Variants in ZNF81 observed in about 807,000 individuals in gnomAD.
The protein encoded by ZNF81 is zinc finger protein 81.
A neutral mutation model predicts 32.3 loss-of-function variants in ZNF81; 5 were observed. The observed-to-expected ratio is 0.15, with a 90% confidence interval of 0.08 to 0.33. The LOEUF is 0.33. Among genes scored for constraint, ZNF81 ranks in the 10% least tolerant of loss-of-function variants. The pLI is 1.00. For synonymous variants in ZNF81, 163 were observed against 166.8 expected (o/e 0.98, Z 0.17); for missense variants, 379 against 479.8 (o/e 0.79, Z 1.96).
intron 1 of ZNF81, among the ~76,000 whole-genome samples, chrX:47,844,685 C>G (rs1331328343): frequency 8.9e-6 from 1 of 111,988 alleles, no homozygotes; most frequent in African/African-American, 3.2e-5. Flanking sequence ...ATTTCTCTTG[C>G]ATAGATATCT....
Position 47,924,401 on chromosome X carries a change from T to G in ZNF81, c.*7769T>G, listed in dbSNP as rs371735818. 1.8e-5 allele frequency among the ~76,000 whole-genome samples: 2 copies of G among 112,192 alleles called. No homozygotes were observed. The highest frequency in any genetic ancestry group is 6.5e-5 in the African/African-American group (2 of 30,862). On this transcript the variant is annotated 3_prime_UTR_variant, in exon 5 of 5. Coordinates refer to ENST00000338637, the MANE Select transcript of ZNF81 (RefSeq NM_007137.5). ...GAAGTTAAGGATCTATGGAAGCATA[T>G]GCTTTGGTCCTGATCTTTGTGTATT...
intron 2 of ZNF81, among the ~76,000 whole-genome samples, chrX:47,872,868 T>C (rs2058585594): frequency 8.9e-6 from 1 of 111,910 alleles, no homozygotes; most frequent in Non-Finnish European, 1.9e-5. Context: ...ATAGCTTATC[T>C]TTTTGGTAAG....
At chrX:47,875,533 C>G (rs1192016627) in intron 2 of ZNF81, among the ~76,000 whole-genome samples, 1 of 112,164 alleles carries the variant, frequency 8.9e-6, no homozygotes, top group Non-Finnish European at 1.9e-5. Flanking sequence ...ACACATGCTT[C>G]TCAATCATAA....
intron 2 of ZNF81, among the ~76,000 whole-genome samples, chrX:47,847,127 G>A (rs909688218): frequency 8.0e-5 from 9 of 112,047 alleles, no homozygotes; most frequent in Non-Finnish European, 1.7e-4. Flanking sequence ...ATAATTAAAA[G>A]CAGTCATACA....
intron 2 of ZNF81, 138 bp downstream of exon 2, chrX:47,846,459 A>G (rs1167533824): frequency 6.0e-6 from 4 of 670,088 alleles, no homozygotes; most frequent in Non-Finnish European, 9.1e-6. Flanking sequence ...TTTATTGGTC[A>G]TTTATTTCCC....
chrX:47,852,447 G>A (rs995573999), intron 2 of ZNF81, among the ~76,000 whole-genome samples: 2 of 112,025 alleles, frequency 1.8e-5, no homozygotes, highest in Non-Finnish European at 3.8e-5. Flanking sequence ...GGAGTCAATC[G>A]TCTCAAACCC....
chrX:47,866,224 A>G (rs2058559409), intron 2 of ZNF81, among the ~76,000 whole-genome samples: 1 of 112,251 alleles, frequency 8.9e-6, no homozygotes. Flanking sequence ...AGTCAGTGAT[A>G]AAAGACCATT....
rs782764532 is a variant in ZNF81, at chrX:47,893,486, G to A, written c.182-2359G>A. On this transcript the variant is annotated intron_variant, in intron 3 of 4. Coordinates refer to ENST00000338637, the MANE Select transcript of ZNF81 (RefSeq NM_007137.5). ...CAGGGGTTCAAAAATGGATATTTTGGTAGACTGAGAAGTTCCCATGTTTTT... is the reference window on the plus strand; with the variant it reads ...CAGGGGTTCAAAAATGGATATTTTGATAGACTGAGAAGTTCCCATGTTTTT... Among the ~76,000 whole-genome samples, 5 of 111,114 alleles carry A rather than the reference G, an allele frequency of 4.5e-5. No individual in the cohort carries two copies. In the East Asian group the frequency reaches 1.1e-3, roughly 25 times the overall value.
chrX:47,899,287 A>G (rs1556887614), intron 4 of ZNF81, among the ~76,000 whole-genome samples: 1 of 24,168 alleles, frequency 4.1e-5, no homozygotes, highest in Non-Finnish European at 1.5e-4. Context: ...AGCTTGTTTC[A>G]TAGTTTTTTT....
At chrX:47,837,990 A>G (rs782123089) in intron 1 of ZNF81, among the ~76,000 whole-genome samples, 19 of 112,322 alleles carry the variant, frequency 1.7e-4, no homozygotes, top group Non-Finnish European at 2.6e-4. Flanking sequence ...CTATTTATTT[A>G]GATCTTTTAA....
At chrX:47,881,687 T>C (rs2058621212) in intron 2 of ZNF81, among the ~76,000 whole-genome samples, 1 of 112,409 alleles carries the variant, frequency 8.9e-6, no homozygotes, top group Non-Finnish European at 1.9e-5. Context: ...ACCAACTTTA[T>C]GGAACCTAAA....
chrX:47,858,243 A>G (rs375385974), intron 2 of ZNF81, among the ~76,000 whole-genome samples: 48 of 112,172 alleles, frequency 4.3e-4, no homozygotes, highest in African/African-American at 1.5e-3. Context: ...TTCAACATCC[A>G]TTCTTGATTT....
At chrX:47,842,074 G>A (rs781915198) in intron 1 of ZNF81, among the ~76,000 whole-genome samples, 40 of 111,603 alleles carry the variant, frequency 3.6e-4, no homozygotes, top group Non-Finnish European at 7.3e-4. Context: ...TTGATCCATG[G>A]ATCATATAGA....
At chrX:47,876,545 T>C (rs1556884559) in intron 2 of ZNF81, among the ~76,000 whole-genome samples, 1 of 111,980 alleles carries the variant, frequency 8.9e-6, no homozygotes, top group Non-Finnish European at 1.9e-5. Flanking sequence ...TCAAGAGCAG[T>C]CCGGGCCTTG....
chrX:47,923,302 G>A lies in ZNF81; in HGVS notation c.*6670G>A, dbSNP rs781869457. On this transcript the variant is annotated 3_prime_UTR_variant, in exon 5 of 5. Coordinates refer to ENST00000338637, the MANE Select transcript of ZNF81 (RefSeq NM_007137.5). ...AGGTGGGATTTGAGAGCTTGTTTCC[G>A]GCATCTTAGTGTCATCCAGCTATCT... is the stretch of plus-strand genomic sequence containing the variant. Among the ~76,000 whole-genome samples the A allele has an allele frequency of 4.5e-5, 5 of 111,308 alleles. No individual in the cohort carries two copies. Among genetic ancestry groups the A allele is most frequent in the Admixed American group, 2.9e-4 (3 of 10,426 alleles).
intron 1 of ZNF81, 163 bp downstream of exon 1, chrX:47,837,150 T>C (rs782627675): frequency 1.7e-5 from 2 of 116,960 alleles, no homozygotes; most frequent in Non-Finnish European, 3.6e-5. Flanking sequence ...CCCCATTGGG[T>C]TTGGAGCATT....
At chrX:47,842,389 G>A (rs2058453330) in intron 1 of ZNF81, among the ~76,000 whole-genome samples, 1 of 110,972 alleles carries the variant, frequency 9.0e-6, no homozygotes, top group Non-Finnish European at 1.9e-5. Context: ...TTGGCGGGGG[G>A]AGTCTGTTCC....
At chrX:47,896,415 C>T (rs12851054) in intron 4 of ZNF81, among the ~76,000 whole-genome samples, 1 of 111,280 alleles carries the variant, frequency 9.0e-6, no homozygotes, top group South Asian at 3.8e-4. Context: ...CCTTCTCACT[C>T]TAAGGTACCA....
intron 2 of ZNF81, among the ~76,000 whole-genome samples, chrX:47,855,569 G>A (rs1279534377): frequency 9.0e-6 from 1 of 111,147 alleles, no homozygotes; most frequent in African/African-American, 3.3e-5. Flanking sequence ...TGGTAGGGCT[G>A]TCTCTGATTA....
Sources: allele counts gnomAD v4.1 joint callset (sites outside exome capture counted in the v4.1 genomes callset), GRCh38; gene constraint gnomAD v4.1.1; transcripts MANE v1.5; gene names NCBI Gene and HGNC (gene_info 2026-07-23, HGNC 2026-07-21).